MGAT4C: variants seen among roughly 807,000 people sequenced by gnomAD.
MGAT4C encodes the protein alpha-1,3-mannosyl-glycoprotein 4-beta-N-acetylglucosaminyltransferase C.
A neutral mutation model predicts 40.1 loss-of-function variants in MGAT4C; 19 were observed. The observed-to-expected ratio is 0.47, with a 90% CI of 0.33 to 0.70. The LOEUF is 0.70. MGAT4C is among the 30% of genes least tolerant of loss of function. The pLI is 0.02. For synonymous variants in MGAT4C, 181 were observed against 187.1 expected (o/e 0.97, Z 0.27); for missense variants, 491 against 563.2 (o/e 0.87, Z 1.30).
chr12:86,224,626 A>G (rs989287125), intron 1 of MGAT4C, among the ~76,000 whole-genome samples: 25 of 152,222 alleles, frequency 1.6e-4, no homozygotes, highest in African/African-American at 4.1e-4. Context: ...GTGGAGTAAA[A>G]CTGAAATCAA....
intron 3 of MGAT4C, among the ~76,000 whole-genome samples, chr12:86,418,655 T>C (rs1956766005): frequency 6.6e-6 from 1 of 151,894 alleles, no homozygotes; most frequent in Non-Finnish European, 1.5e-5. Flanking sequence ...TCATTTTTGT[T>C]GAAAAAGTGA....
intron 1 of MGAT4C, among the ~76,000 whole-genome samples, chr12:86,740,405 G>T (rs997677980): frequency 1.3e-5 from 2 of 151,120 alleles, no homozygotes; most frequent in Non-Finnish European, 1.5e-5. Context: ...GTTTGTAGAA[G>T]TGTGTTTATA....
chr12:86,386,023 C>T (rs772553353), intron 3 of MGAT4C, among the ~76,000 whole-genome samples: 9 of 152,110 alleles, frequency 5.9e-5, no homozygotes, highest in East Asian at 3.9e-4. Context: ...CTCCGCCTCC[C>T]GGATTCACGC....
intron 1 of MGAT4C, among the ~76,000 whole-genome samples, chr12:86,249,514 G>C (rs1952177167): frequency 6.6e-6 from 1 of 152,136 alleles, no homozygotes; most frequent in African/African-American, 2.4e-5. Flanking sequence ...AAACCACAGT[G>C]ATCCATCTCA....
rs1473739430 is a variant in MGAT4C at position 86,216,263 on chromosome 12, A to C, written c.-57+39976T>G. On this transcript the variant is annotated intron_variant, in intron 1 of 4. Transcript: ENST00000611864. The stretch of plus-strand genomic sequence containing the variant: ...AGGTGAGGTGCCTTAGAAAAGATAG[A>C]ATCAGAAACACCAAGAAAGTAATAG... Among the ~76,000 whole-genome samples the C allele has an allele frequency of 3.3e-5, 5 of 152,196 alleles. 1 individual carries two copies. The East Asian group carries it at 9.6e-4, about 29-fold the overall frequency.
intron 2 of MGAT4C, among the ~76,000 whole-genome samples, chr12:86,447,269 G>A (rs1250757252): frequency 6.6e-6 from 1 of 152,134 alleles, no homozygotes; most frequent in Admixed American, 6.5e-5. Flanking sequence ...GGGATTACAG[G>A]CATGTGCCAC....
intron 2 of MGAT4C, among the ~76,000 whole-genome samples, chr12:86,043,108 G>C (rs1469317813): frequency 2.0e-5 from 3 of 152,096 alleles, no homozygotes; most frequent in Non-Finnish European, 4.4e-5. Context: ...TTCTGAATTT[G>C]AATATTGTGT....
At chr12:86,352,419 C>T (rs1955182375) in intron 3 of MGAT4C, among the ~76,000 whole-genome samples, 1 of 152,062 alleles carries the variant, frequency 6.6e-6, no homozygotes, top group Non-Finnish European at 1.5e-5. Context: ...TCATCATCTG[C>T]TAGCACTTTT....
At chr12:86,434,936 A>G (rs1957111674) in intron 3 of MGAT4C, among the ~76,000 whole-genome samples, 1 of 151,930 alleles carries the variant, frequency 6.6e-6, no homozygotes, top group Non-Finnish European at 1.5e-5. Flanking sequence ...AGACTTCCCT[A>G]TGTCCAATAC....
At chr12:86,172,604 A>G (rs1341024956) in intron 1 of MGAT4C, among the ~76,000 whole-genome samples, 1 of 152,150 alleles carries the variant, frequency 6.6e-6, no homozygotes, top group African/African-American at 2.4e-5. Context: ...GAGCTAAAAT[A>G]TGCCACATAT....
At chr12:86,028,318 A>G in intron 2 of MGAT4C, 1 of 449,862 alleles carries the variant, frequency 2.2e-6, no homozygotes, top group South Asian at 2.0e-5. Context: ...GTCTGCTGAC[A>G]TACGTTGAGC....
At chr12:86,548,706 AT>A (rs1423904025) in intron 2 of MGAT4C, among the ~76,000 whole-genome samples, 3 of 152,138 alleles carry the variant, frequency 2.0e-5, no homozygotes, top group Non-Finnish European at 2.9e-5. Context: ...TGAGTGTGTG[AT>A]TTTTGAGAAA....
intron 1 of MGAT4C, among the ~76,000 whole-genome samples, chr12:86,745,718 A>G (rs1321644336): frequency 6.6e-6 from 1 of 151,714 alleles, no homozygotes; most frequent in African/African-American, 2.4e-5. Flanking sequence ...ATCTGGCTCC[A>G]TTAAAGTATC....
intron 3 of MGAT4C, among the ~76,000 whole-genome samples, chr12:85,988,473 C>T (rs975661093): frequency 6.6e-6 from 1 of 151,914 alleles, no homozygotes; most frequent in Non-Finnish European, 1.5e-5. Flanking sequence ...AGCATTTTTG[C>T]ATGTGAAAAT....
At chr12:86,418,092 T>C (rs1312249473) in intron 3 of MGAT4C, among the ~76,000 whole-genome samples, 3 of 152,162 alleles carry the variant, frequency 2.0e-5, no homozygotes, top group Non-Finnish European at 4.4e-5. Flanking sequence ...TGTACATTCT[T>C]TGCACAAACT....
chr12:86,818,169 C>G (rs1215532748), intron 1 of MGAT4C, among the ~76,000 whole-genome samples: 1 of 151,136 alleles, frequency 6.6e-6, no homozygotes, highest in Non-Finnish European at 1.5e-5. Context: ...AGTTATGCAA[C>G]ATAAGACAAA....
At chr12:86,492,119 AC>A (rs1318844224) in intron 2 of MGAT4C, among the ~76,000 whole-genome samples, 3 of 152,184 alleles carry the variant, frequency 2.0e-5, no homozygotes, top group Admixed American at 1.3e-4. Context: ...AAGGAGAACT[AC>A]AAACCACTGC....
At chr12:86,391,113 C>T (rs1184322471) in intron 3 of MGAT4C, among the ~76,000 whole-genome samples, 2 of 152,110 alleles carry the variant, frequency 1.3e-5, no homozygotes, top group Non-Finnish European at 2.9e-5. Flanking sequence ...TGCAATTTTG[C>T]AACTGTCAGC....
At chr12:86,725,065 TCA>T (rs1950799653) in intron 2 of MGAT4C, among the ~76,000 whole-genome samples, 1 of 152,238 alleles carries the variant, frequency 6.6e-6, no homozygotes, top group South Asian at 2.1e-4. Flanking sequence ...ATAGGATCTC[TCA>T]CAGTGATTAA....
Sources: gnomAD v4.1 joint callset for allele counts (sites outside exome capture counted in the v4.1 genomes callset) on GRCh38, gnomAD v4.1.1 for gene constraint, MANE v1.5 for transcripts, NCBI Gene and HGNC (gene_info 2026-07-23, HGNC 2026-07-21) for gene names.